The following CNTN6 variants were observed in gnomAD, a reference collection of about 807,000 sequenced individuals.
CNTN6 encodes the protein contactin-6.
Under a neutral mutation model 122.8 loss-of-function variants are expected in CNTN6, and 137 were observed. That is an observed-to-expected ratio of 1.12 (90% CI 0.97 to 1.29). CNTN6 has a LOEUF of 1.29. CNTN6 is among the 50% of genes most tolerant of loss of function. The pLI, the probability that CNTN6 is intolerant of heterozygous loss-of-function variation, is 0.00. For synonymous variants in CNTN6, 570 were observed against 426.0 expected, an observed-to-expected ratio of 1.34 and a Z score of -4.16; for missense variants, 1,634 against 1,223.4, an observed-to-expected ratio of 1.34 and a Z score of -5.01.
intron 11 of CNTN6, among the ~76,000 whole-genome samples, chr3:1,335,003 T>G (rs1385722717): frequency 6.6e-6 from 1 of 152,158 alleles, no homozygotes; most frequent in African/African-American, 2.4e-5. Flanking sequence ...TTAAGCCAGA[T>G]AGCCACATAA....
intron 2 of CNTN6, among the ~76,000 whole-genome samples, chr3:1,199,474 C>T (rs1284303499): frequency 1.3e-5 from 2 of 151,984 alleles, no homozygotes; most frequent in African/African-American, 4.8e-5. Context: ...GCCACCACAC[C>T]CAGCCAAATT....
intron 4 of CNTN6, among the ~76,000 whole-genome samples, chr3:1,251,996 T>A (rs2094679390): frequency 6.6e-6 from 1 of 152,040 alleles, no homozygotes; most frequent in African/African-American, 2.4e-5. Context: ...ACCTCTAGAG[T>A]TATTTCCCCA....
At chr3:1,214,294 TGGATG>T (rs1559526710) in intron 2 of CNTN6, among the ~76,000 whole-genome samples, 18 of 143,658 alleles carry the variant, frequency 1.3e-4, no homozygotes, top group African/African-American at 4.6e-4. Context: ...ATGTGTTTGT[TGGATG>T]TCTTTTTTTT....
In CNTN6 at chr3:1,228,463, T is replaced by C. The variant is rs558121506; in HGVS notation, c.358+470T>C. On this transcript the variant is annotated intron_variant, in intron 4 of 22. Transcript: ENST00000446702. Reference sequence around the variant, plus strand: ...TAAAGTGGTTGCCAAAGGCAGGCTTTATATTAACTGTAACAATGTCCAGCT... The same window carrying C: ...TAAAGTGGTTGCCAAAGGCAGGCTTCATATTAACTGTAACAATGTCCAGCT... Among the ~76,000 whole-genome samples the C allele has an allele frequency of 7.2e-5, 11 of 152,310 alleles. 1 individual carries two copies. Among genetic ancestry groups the C allele is most frequent in the Admixed American group, 7.2e-4 (11 of 15,296 alleles).
At chr3:1,330,022 T>A (rs75600553) in intron 11 of CNTN6, 87 bp downstream of exon 11, 3 of 1,015,112 alleles carry the variant, frequency 3.0e-6, no homozygotes, top group Non-Finnish European at 4.1e-6. Flanking sequence ...TTTCAAAATT[T>A]CCTCTTTTAT....
At chr3:1,160,365 T>TATATATATATATATACAC (rs1486849078) in intron 2 of CNTN6, among the ~76,000 whole-genome samples, 1 of 133,418 alleles carries the variant, frequency 7.5e-6, no homozygotes, top group African/African-American at 2.9e-5. Context: ...TATATATATA[T>TATATATATATATATACAC]ATACACACTA....
At chr3:1,349,027 C>T (rs757794473) in intron 11 of CNTN6, among the ~76,000 whole-genome samples, 9 of 151,816 alleles carry the variant, frequency 5.9e-5, no homozygotes, top group Non-Finnish European at 1.0e-4. Flanking sequence ...CCTAACATAC[C>T]GTTTCAAACA....
At position 1,402,475 on chromosome 3, in the gene CNTN6, C is replaced by A. The variant is rs1173645481; in HGVS notation, c.2975C>A (p.Pro992Gln). 6.2e-7 allele frequency: 1 copy of A among 1,606,684 alleles called. No homozygotes were observed. The highest frequency in any genetic ancestry group is 8.5e-7 in the Non-Finnish European group (1 of 1,175,086). Residue 992 changes from proline (P) to glutamine (Q), a missense_variant, in exon 22 of 23, where the codon CCA becomes CAA. Coordinates refer to ENST00000446702, the MANE Select transcript of CNTN6 (RefSeq NM_001289080.2). ...AGCAGCAGTGAGGAAATTAGGATTCCAAAAATGTCAAGTAAGTTGAGTCAC... is the reference window on the plus strand; with the variant it reads ...AGCAGCAGTGAGGAAATTAGGATTCAAAAAATGTCAAGTAAGTTGAGTCAC... ...DGSSSEEIRIPKMSSLSSRGI... is the reference protein window; with the variant it reads ...DGSSSEEIRIQKMSSLSSRGI...
intron 2 of CNTN6, among the ~76,000 whole-genome samples, chr3:1,215,412 A>G (rs1312507478): frequency 1.3e-5 from 2 of 152,106 alleles, no homozygotes; most frequent in African/African-American, 4.8e-5. Flanking sequence ...TGTGACTTTC[A>G]GTGGGTATCT....
intron 2 of CNTN6, among the ~76,000 whole-genome samples, chr3:1,206,181 A>G (rs2093955747): frequency 6.6e-6 from 1 of 152,084 alleles, no homozygotes; most frequent in African/African-American, 2.4e-5. Flanking sequence ...TCTAATCCAA[A>G]TACTTTCTCA....
At chr3:1,171,486 G>C (rs12486132) in intron 2 of CNTN6, among the ~76,000 whole-genome samples, 54,987 of 152,048 alleles carry the variant, frequency 0.36, 10,522 homozygotes, top group East Asian at 0.7. Flanking sequence ...TAGATGTTTA[G>C]CAGCATTCCT....
At chr3:1,313,515 A>C (rs1699681927) in intron 7 of CNTN6, among the ~76,000 whole-genome samples, 1 of 152,070 alleles carries the variant, frequency 6.6e-6, no homozygotes, top group South Asian at 2.1e-4. Flanking sequence ...TTTCTAGTTA[A>C]TGTAAAGAGA....
At chr3:1,360,113 G>T (rs79912330) in intron 12 of CNTN6, among the ~76,000 whole-genome samples, 1,910 of 152,030 alleles carry the variant, frequency 0.013, 46 homozygotes, top group African/African-American at 0.043. Flanking sequence ...AATCTTTCAT[G>T]TTTGAAAGTG....
chr3:1,372,715 G>T, intron 13 of CNTN6, 123 bp from the exon 14 acceptor site: 1 of 692,602 alleles, frequency 1.4e-6, no homozygotes, highest in South Asian at 2.0e-5. Flanking sequence ...AAATGACAAT[G>T]ATACTAGTAT....
intron 8 of CNTN6, among the ~76,000 whole-genome samples, chr3:1,322,483 T>C (rs1329914903): frequency 6.6e-6 from 1 of 151,754 alleles, no homozygotes; most frequent in Non-Finnish European, 1.5e-5. Context: ...ATTTGCAAAA[T>C]GCTGTATACT....
intron 12 of CNTN6, among the ~76,000 whole-genome samples, chr3:1,371,121 TAACTA>T (rs1708954036): frequency 6.6e-6 from 1 of 152,160 alleles, no homozygotes; most frequent in Admixed American, 6.5e-5. Flanking sequence ...GGTCAAATAA[TAACTA>T]AACATTCTAT....
At chr3:1,399,779 T>C (rs1695449316) in intron 20 of CNTN6, among the ~76,000 whole-genome samples, 1 of 152,142 alleles carries the variant, frequency 6.6e-6, no homozygotes, top group Non-Finnish European at 1.5e-5. Context: ...CCAGGCACTG[T>C]GCTAGGGGTT....
At chr3:1,300,267 T>A (rs1300075928) in intron 7 of CNTN6, among the ~76,000 whole-genome samples, 1 of 152,162 alleles carries the variant, frequency 6.6e-6, no homozygotes, top group Non-Finnish European at 1.5e-5. Flanking sequence ...ATGACAGGCG[T>A]GAGCCACTGC....
chr3:1,306,621 T>C (rs1231367110), intron 7 of CNTN6, among the ~76,000 whole-genome samples: 1 of 150,368 alleles, frequency 6.7e-6, no homozygotes, highest in South Asian at 2.2e-4. Context: ...AGTTTTCTTA[T>C]CTGTATAAGG....
Sources: allele counts gnomAD v4.1 joint callset (sites outside exome capture counted in the v4.1 genomes callset), GRCh38; gene constraint gnomAD v4.1.1; transcripts MANE v1.5; gene names NCBI Gene and HGNC (gene_info 2026-07-23, HGNC 2026-07-21).